The following ZNF148 variants were observed in gnomAD, a reference collection of about 807,000 sequenced individuals.
The protein encoded by ZNF148 is Beta-Enolase Repressor Factor-1.
Under a neutral mutation model 67.7 loss-of-function variants are expected in ZNF148, and 7 were observed. The observed-to-expected ratio is 0.10, with a 90% CI of 0.06 to 0.19. The LOEUF (loss-of-function observed/expected upper bound fraction) is 0.19. Ranked by LOEUF, ZNF148 falls within the 10% of genes least tolerant of loss-of-function variation. The pLI is 1.00. For synonymous variants in ZNF148, 333 were observed against 330.7 expected, an observed-to-expected ratio of 1.01 and a Z score of -0.08; for missense variants, 583 against 947.1, an observed-to-expected ratio of 0.62 and a Z score of 5.05.
At chr3:125,350,831 C>T (rs1041451518) in intron 1 of ZNF148, among the ~76,000 whole-genome samples, 1 of 152,090 alleles carries the variant, frequency 6.6e-6, no homozygotes, top group African/African-American at 2.4e-5. Flanking sequence ...TATATATATA[C>T]ACACACACAA....
intron 1 of ZNF148, among the ~76,000 whole-genome samples, chr3:125,362,700 G>A (rs1262060768): frequency 6.6e-6 from 1 of 151,780 alleles, no homozygotes; most frequent in Admixed American, 6.6e-5. Context: ...GACTACAAGT[G>A]CGCGCCACCA....
chr3:125,300,817 GCT>G (rs1939547496), intron 4 of ZNF148, among the ~76,000 whole-genome samples: 1 of 152,112 alleles, frequency 6.6e-6, no homozygotes, highest in South Asian at 2.1e-4. Context: ...ATTACAATTT[GCT>G]CTGTTTTGCT....
At chr3:125,287,952 C>T in intron 5 of ZNF148, 151 bp downstream of exon 5, 4 of 1,036,842 alleles carry the variant, frequency 3.9e-6, no homozygotes, top group Non-Finnish European at 5.5e-6. Flanking sequence ...GAAAGCAAGG[C>T]CCACCACCTC....
At chr3:125,247,112 A>G (rs985358580) in intron 7 of ZNF148, among the ~76,000 whole-genome samples, 1 of 152,240 alleles carries the variant, frequency 6.6e-6, no homozygotes, top group African/African-American at 2.4e-5. Context: ...CATTATGGTA[A>G]CTAATGAAAT....
At chr3:125,262,010 T>C (rs1937366704) in intron 7 of ZNF148, among the ~76,000 whole-genome samples, 1 of 152,120 alleles carries the variant, frequency 6.6e-6, no homozygotes, top group African/African-American at 2.4e-5. Context: ...CACCATACAG[T>C]TCTACTAATG....
rs201134698 is a variant in ZNF148, at chr3:125,233,631, A to G, written c.1095T>C (p.Ala365=). Residue 365 remains alanine (A), a synonymous_variant, in exon 9 of 9, where the codon GCT becomes GCC. Coordinates refer to ENST00000360647, the MANE Select transcript of ZNF148 (RefSeq NM_021964.3). This position sits in a 1 kb window ranked among gnomAD's most constrained non-coding sequence, Gnocchi z 5.1. ...VKDEYMVAEY[A]VEMPHSSVGG... is the part of the protein sequence containing the mutation. ...CAACTGACGAATGTGGCATTTCAAC[A>G]GCATATTCTGCAACCATATACTCAT... 5 of 1,613,906 alleles carry G rather than the reference A, an allele frequency of 3.1e-6. No individual in the cohort carries two copies. Among genetic ancestry groups the G allele is most frequent in the Non-Finnish European group, 4.2e-6 (5 of 1,179,972 alleles).
At chr3:125,280,490 T>G (rs1349888908) in intron 5 of ZNF148, among the ~76,000 whole-genome samples, 2 of 151,988 alleles carry the variant, frequency 1.3e-5, no homozygotes, top group African/African-American at 4.8e-5. Context: ...GAGACCAGCC[T>G]GGGCAAAATG....
chr3:125,335,729 A>ATTTTCAAATATTTCACATTTCATG (rs1347083031), intron 1 of ZNF148, among the ~76,000 whole-genome samples: 1 of 152,304 alleles, frequency 6.6e-6, no homozygotes, highest in Admixed American at 6.5e-5. Context: ...CTTCTTTCGT[A>ATTTTCAAATATTTCACATTTCATG]TTTTCAAATA....
intron 4 of ZNF148, among the ~76,000 whole-genome samples, chr3:125,311,507 T>C (rs987826265): frequency 2.0e-5 from 3 of 152,212 alleles, no homozygotes; most frequent in Non-Finnish European, 4.4e-5. Context: ...AGTACCTCTG[T>C]TCAGATCACA....
intron 3 of ZNF148, among the ~76,000 whole-genome samples, chr3:125,317,909 T>C (rs1205818800): frequency 2.0e-5 from 3 of 151,974 alleles, no homozygotes; most frequent in Non-Finnish European, 4.4e-5. Flanking sequence ...TTCTTCTTTA[T>C]TTTAAAACAA....
At chr3:125,239,598 GA>G (rs1936251971) in intron 7 of ZNF148, among the ~76,000 whole-genome samples, 1 of 152,126 alleles carries the variant, frequency 6.6e-6, no homozygotes, top group African/African-American at 2.4e-5. Flanking sequence ...AAGTGCTTTG[GA>G]AAACAGTTTT....
intron 1 of ZNF148, among the ~76,000 whole-genome samples, chr3:125,370,031 T>A (rs902424136): frequency 6.6e-6 from 1 of 152,090 alleles, no homozygotes; most frequent in Non-Finnish European, 1.5e-5. Flanking sequence ...AGAAGAAGCT[T>A]ATCTGTTATT....
chr3:125,246,728 T>C (rs776272753), intron 7 of ZNF148, among the ~76,000 whole-genome samples: 36 of 152,222 alleles, frequency 2.4e-4, no homozygotes, highest in Non-Finnish European at 4.9e-4. Context: ...ATATTGATTA[T>C]AATTATAACC....
chr3:125,371,393 G>C (rs1281394958), intron 1 of ZNF148, among the ~76,000 whole-genome samples: 1 of 126,786 alleles, frequency 7.9e-6, no homozygotes, highest in African/African-American at 2.9e-5. Context: ...GGGGCAGGGC[G>C]AAGTGGCTCA....
At chr3:125,314,343 C>A (rs532610381) in intron 3 of ZNF148, among the ~76,000 whole-genome samples, 6 of 152,132 alleles carry the variant, frequency 3.9e-5, no homozygotes, top group Admixed American at 3.9e-4. Context: ...TGGAATTTAT[C>A]TTGATGAAAT....
chr3:125,273,451 C>T (rs1937867718), intron 7 of ZNF148, among the ~76,000 whole-genome samples: 1 of 151,176 alleles, frequency 6.6e-6, no homozygotes, highest in South Asian at 2.1e-4. Flanking sequence ...ATATATAATT[C>T]TGAGTGATTT....
At chr3:125,349,609 A>T (rs993775086) in intron 1 of ZNF148, among the ~76,000 whole-genome samples, 6 of 152,238 alleles carry the variant, frequency 3.9e-5, no homozygotes, top group African/African-American at 1.4e-4. Flanking sequence ...AAGAGAAGGG[A>T]ACACTTAAAT....
At chr3:125,341,167 A>G (rs1056065129) in intron 1 of ZNF148, among the ~76,000 whole-genome samples, 4 of 151,752 alleles carry the variant, frequency 2.6e-5, no homozygotes, top group African/African-American at 9.7e-5. Context: ...ATTCTACTGC[A>G]ACAAGTGAAA....
chr3:125,322,025 G>A (rs1014704033), intron 3 of ZNF148, among the ~76,000 whole-genome samples: 2 of 133,320 alleles, frequency 1.5e-5, no homozygotes, highest in African/African-American at 2.8e-5. Flanking sequence ...AATAATCAAC[G>A]GCTTTTTTTT....
Sources: allele counts gnomAD v4.1 joint callset (sites outside exome capture counted in the v4.1 genomes callset), GRCh38; gene constraint gnomAD v4.1.1; non-coding constraint Gnocchi (gnomAD v3.1); transcripts MANE v1.5; gene names NCBI Gene and HGNC (gene_info 2026-07-23, HGNC 2026-07-21).